DOCK5: variants seen among roughly 807,000 people sequenced by gnomAD.
DOCK5 encodes dedicator of cytokinesis protein 5.
DOCK5 carries 142 observed loss-of-function variants against 251.8 expected under a neutral mutation model. The ratio of observed to expected loss-of-function variants is 0.56; its 90% confidence interval spans 0.49 to 0.65. The LOEUF (loss-of-function observed/expected upper bound fraction) is 0.65, where lower values mean the gene tolerates loss of function less well. DOCK5 is among the 30% of genes least tolerant of loss of function. The pLI is 0.00. For synonymous variants in DOCK5, 842 were observed against 835.5 expected (o/e 1.01, Z -0.13); for missense variants, 2,111 against 2,312.3 (o/e 0.91, Z 1.79).
At position 25,415,033 on chromosome 8, in the gene DOCK5, C is replaced by CA. The variant is rs1162160807; in HGVS notation, c.*3738dup. The CA allele has an allele frequency of 6.6e-6, 1 of 151,006 alleles. No individual in the cohort carries two copies. Among genetic ancestry groups the CA allele is most frequent in the Non-Finnish European group, 1.5e-5 (1 of 67,860 alleles). The allele number at this position is 151,006 out of a possible 1,614,324, so 9.4% of individuals were successfully genotyped here. Reference sequence around the variant, plus strand: ...ATCTGAAGGAAACTAGTTTTCTGTACAAAGGCTTTGAGGTCCATGGACTAT... The same window carrying CA: ...ATCTGAAGGAAACTAGTTTTCTGTACAAAAGGCTTTGAGGTCCATGGACTAT... On this transcript the variant is annotated 3_prime_UTR_variant, in exon 52 of 52. Coordinates refer to ENST00000276440, the MANE Select transcript of DOCK5 (RefSeq NM_024940.8).
chr8:25,410,005 C>G, intron 50 of DOCK5, 94 bp from the exon 51 acceptor site: 1 of 998,584 alleles, frequency 1.0e-6, no homozygotes, highest in Non-Finnish European at 1.5e-6. Flanking sequence ...GTTGGTTGAC[C>G]AGGTTGGCTT....
At position 25,372,636 on chromosome 8, in the gene DOCK5, T is replaced by G; in HGVS notation, c.3602T>G (p.Leu1201Ter). ...EVFALLVSSL[L>*]ENLLDYRTII... ...TTCGCCCTCCTGGTCAGCAGCCTCT[T>G]AGAGAACCTGCTGGACTATAGAACC... The change falls in exon 35 of 52, where the codon TTA (leucine) becomes TGA (stop). Residue 1201 changes from leucine (L) to a stop codon, truncating the protein, a stop_gained. Coordinates refer to ENST00000276440, the MANE Select transcript of DOCK5 (RefSeq NM_024940.8). LOFTEE classifies it high-confidence loss of function. 6.2e-7 allele frequency: 1 copy of G among 1,609,490 alleles called. No individual in the cohort carries two copies. The highest frequency in any genetic ancestry group is 8.5e-7 in the Non-Finnish European group (1 of 1,178,104).
intron 1 of DOCK5, among the ~76,000 whole-genome samples, chr8:25,226,258 CTTTTTTTTTTTT>C (rs1179597860): frequency 9.4e-5 from 11 of 116,944 alleles, no homozygotes; most frequent in Non-Finnish European, 1.3e-4. Context: ...GTATAGGCTG[CTTTTTTTTTTTT>C]TTTTTTTTTT....
intron 18 of DOCK5, among the ~76,000 whole-genome samples, chr8:25,328,047 C>T (rs920185868): frequency 6.6e-6 from 1 of 151,956 alleles, no homozygotes; most frequent in Non-Finnish European, 1.5e-5. Context: ...AATTATAAAT[C>T]AGTCCGCTAG....
At position 25,367,111 on chromosome 8, in the gene DOCK5, A is replaced by C. The variant is rs1800790393; in HGVS notation, c.3224+141A>C. Reference sequence around the variant, plus strand: ...GAGGTAAGTCTTCAACTAATTACTTAATAGGCCTCACATTCACCCAGGTTC... The same window carrying C: ...GAGGTAAGTCTTCAACTAATTACTTCATAGGCCTCACATTCACCCAGGTTC... On this transcript the variant is annotated intron_variant, in intron 31 of 51. Coordinates refer to ENST00000276440, the MANE Select transcript of DOCK5 (RefSeq NM_024940.8). 5.7e-6 allele frequency: 4 copies of C among 706,670 alleles called. No homozygotes were observed. In the Admixed American group the frequency reaches 9.4e-5, roughly 17 times the overall value. 43.8% of individuals were successfully genotyped at this position (706,670 alleles called of 1,614,324 possible). A position where few individuals can be genotyped will look rare whatever the true frequency, so the allele number is the denominator to read the frequency against.
intron 2 of DOCK5, among the ~76,000 whole-genome samples, chr8:25,247,469 C>T (rs1185519970): frequency 6.6e-6 from 1 of 151,924 alleles, no homozygotes; most frequent in Non-Finnish European, 1.5e-5. Flanking sequence ...TGGTGACATG[C>T]ACCTGTAGTC....
At chr8:25,394,683 G>C (rs1801316653) in intron 44 of DOCK5, among the ~76,000 whole-genome samples, 1 of 152,010 alleles carries the variant, frequency 6.6e-6, no homozygotes, top group Non-Finnish European at 1.5e-5. Context: ...GTGTTGCCTA[G>C]GAAATGATTC....
intron 13 of DOCK5, among the ~76,000 whole-genome samples, chr8:25,312,095 T>G (rs2117184728): frequency 6.6e-6 from 1 of 152,332 alleles, no homozygotes; most frequent in South Asian, 2.1e-4. Flanking sequence ...AGATCACTCT[T>G]TTTTCCTTTT....
In DOCK5 at chr8:25,366,982, T is replaced by C. The variant is rs779579336; in HGVS notation, c.3224+12T>C. 6.2e-7 allele frequency: 1 copy of C among 1,609,382 alleles called. No individual in the cohort carries two copies. Among genetic ancestry groups the C allele is most frequent in the South Asian group, 1.1e-5 (1 of 90,886 alleles). On this transcript the variant is annotated intron_variant, in intron 31 of 51. Coordinates refer to ENST00000276440, the MANE Select transcript of DOCK5 (RefSeq NM_024940.8). ...AAAATTGTTAAAAAGTAAGTGTCCTTTTAAAGTTAAGATCGGGAAGGGGCT... is the reference window on the plus strand; with the variant it reads ...AAAATTGTTAAAAAGTAAGTGTCCTCTTAAAGTTAAGATCGGGAAGGGGCT...
At chr8:25,255,247 T>C (rs1316574442) in intron 2 of DOCK5, among the ~76,000 whole-genome samples, 2 of 152,198 alleles carry the variant, frequency 1.3e-5, no homozygotes, top group Non-Finnish European at 2.9e-5. Flanking sequence ...CACAAAAGCA[T>C]GCACATAGAT....
In DOCK5 at chr8:25,406,542, C is replaced by T. The variant is rs565088939; in HGVS notation, c.5094-1441C>T. Among the ~76,000 whole-genome samples the T allele has an allele frequency of 1.2e-4, 18 of 152,236 alleles. No individual in the cohort carries two copies. The South Asian group carries it at 3.7e-3, about 32-fold the overall frequency. On this transcript the variant is annotated intron_variant, in intron 48 of 51. Transcript: ENST00000276440. ...CGTTGATATAGGTATATTTACATAGCTCCAATTATAGCATATAGTTTGGTA... is the reference window on the plus strand; with the variant it reads ...CGTTGATATAGGTATATTTACATAGTTCCAATTATAGCATATAGTTTGGTA...
Position 25,340,767 on chromosome 8 carries a change from A to G in DOCK5, c.2328-110A>G, listed in dbSNP as rs956905923. 17 of 859,086 alleles carry G rather than the reference A, an allele frequency of 2.0e-5. No homozygotes were observed. The South Asian group carries it at 2.9e-4, about 15-fold the overall frequency. 53.2% of individuals were successfully genotyped at this position (859,086 alleles called of 1,614,324 possible). On this transcript the variant is annotated intron_variant, in intron 22 of 51. Coordinates refer to ENST00000276440, the MANE Select transcript of DOCK5 (RefSeq NM_024940.8). ...TGACTGGGGCTTAATTAGGTGAGTC[A>G]GAATGATTAGGGTGATACGATGAAG...
chr8:25,297,386 T>G (rs1401891695), intron 7 of DOCK5, among the ~76,000 whole-genome samples: 1 of 151,896 alleles, frequency 6.6e-6, no homozygotes, highest in Non-Finnish European at 1.5e-5. Flanking sequence ...GCCTTCCGAG[T>G]AGCTGGGATT....
intron 27 of DOCK5, among the ~76,000 whole-genome samples, chr8:25,356,794 AAAT>A (rs1344028605): frequency 6.6e-6 from 1 of 151,816 alleles, no homozygotes; most frequent in African/African-American, 2.4e-5. Context: ...CACTAGAATA[AAAT>A]AATAAATAGA....
At chr8:25,379,675 A>G (rs1801029157) in intron 38 of DOCK5, among the ~76,000 whole-genome samples, 1 of 152,198 alleles carries the variant, frequency 6.6e-6, no homozygotes, top group Non-Finnish European at 1.5e-5. Flanking sequence ...GACAGGCGTA[A>G]GAAATTATAA....
chr8:25,323,770 A>G, intron 16 of DOCK5, 78 bp from the exon 17 acceptor site: 1 of 1,511,728 alleles, frequency 6.6e-7, no homozygotes, highest in Non-Finnish European at 9.0e-7. Flanking sequence ...ACCCCCGAGC[A>G]AAATGTGAAA....
intron 2 of DOCK5, among the ~76,000 whole-genome samples, chr8:25,259,503 T>TAG (rs1311207061): frequency 2.0e-5 from 3 of 152,158 alleles, no homozygotes; most frequent in African/African-American, 7.2e-5. Flanking sequence ...TCACCTAGGG[T>TAG]AGAACACAGT....
intron 38 of DOCK5, among the ~76,000 whole-genome samples, chr8:25,378,063 G>A (rs1457744104): frequency 6.6e-6 from 1 of 152,124 alleles, no homozygotes; most frequent in Admixed American, 6.5e-5. Flanking sequence ...TATACAGGCA[G>A]GATTGAATGA....
intron 1 of DOCK5, among the ~76,000 whole-genome samples, chr8:25,194,504 C>G (rs1006626636): frequency 3.3e-5 from 5 of 152,094 alleles, no homozygotes; most frequent in Non-Finnish European, 5.9e-5. Context: ...CTTGCCATAG[C>G]CTGGCTGGCT....
Sources: gnomAD v4.1 joint callset for allele counts (sites outside exome capture counted in the v4.1 genomes callset) on GRCh38, gnomAD v4.1.1 for gene constraint, MANE v1.5 for transcripts, NCBI Gene and HGNC (gene_info 2026-07-23, HGNC 2026-07-21) for gene names.